Variants in KLF17 observed in about 807,000 individuals in gnomAD.
The protein encoded by KLF17 is Krueppel-like factor 17.
KLF17 carries 31 observed loss-of-function variants against 34.2 expected under a neutral mutation model. That is an observed-to-expected ratio of 0.91 (90% CI 0.68 to 1.22). The LOEUF is 1.22. Ranked by LOEUF, KLF17 falls within the 50% of genes most tolerant of loss-of-function variation. The pLI, the probability that KLF17 is intolerant of heterozygous loss-of-function variation, is 0.00. For synonymous variants in KLF17, 179 were observed against 186.7 expected, an observed-to-expected ratio of 0.96 and a Z score of 0.34; for missense variants, 478 against 505.2, an observed-to-expected ratio of 0.95 and a Z score of 0.52.
chr1:44,121,341 CTGCCCTCAAA>C, intron 1 of KLF17, among the ~76,000 whole-genome samples: 1 of 152,312 alleles, frequency 6.6e-6, no homozygotes, highest in East Asian at 1.9e-4. Context: ...TCTCAATCTT[CTGCCCTCAAA>C]TGATCTACCC....
chr1:44,118,993 G>T lies in KLF17; in HGVS notation c.81+5G>T, dbSNP rs752384415. ...GCGGCGCACCAGGCTGCCCAGGTGA[G>T]TCAGGTGCCAGCCCCTGGCAGGCCG... On this transcript the variant is annotated splice_donor_5th_base_variant and intron_variant, in intron 1 of 3. Transcript: ENST00000372299. 3 of 1,602,154 alleles carry T rather than the reference G, an allele frequency of 1.9e-6. No individual in the cohort carries two copies. The highest frequency in any genetic ancestry group is 1.7e-5 in the Admixed American group (1 of 58,774).
the KLF17 span, among the ~76,000 whole-genome samples, chr1:44,099,905 GAAAGAAAGAAAGAAAAGA>G: frequency 1.9e-5 from 1 of 52,200 alleles, no homozygotes; most frequent in Non-Finnish European, 4.1e-5. Context: ...AAGAAAGAAA[GAAAGAAAGAAAGAAAAGA>G]AAGGGAGGGA....
the KLF17 span, among the ~76,000 whole-genome samples, chr1:44,069,129 C>G: frequency 6.6e-6 from 1 of 152,124 alleles, no homozygotes; most frequent in African/African-American, 2.4e-5. This position sits in a 1 kb window ranked among gnomAD's most constrained non-coding sequence, Gnocchi z 4.7. Flanking sequence ...GGAGACATTT[C>G]AGGACAGGGT....
intron 1 of KLF17, among the ~76,000 whole-genome samples, chr1:44,127,705 T>TTTCTTTCTTTCTTTC (rs1557732071): frequency 6.9e-5 from 9 of 129,648 alleles, no homozygotes; most frequent in African/African-American, 3.1e-4. Flanking sequence ...TCTTTCTTTC[T>TTTCTTTCTTTCTTTC]TTCTTTCTTC....
At chr1:44,069,469 CGAGAGA>C in the KLF17 span, among the ~76,000 whole-genome samples, 50,081 of 127,014 alleles carry the variant, frequency 0.39, 9,752 homozygotes, top group East Asian at 0.55. This position sits in a 1 kb window ranked among gnomAD's most constrained non-coding sequence, Gnocchi z 4.7. Flanking sequence ...TGTTACATGG[CGAGAGA>C]GAGAGAGAGA....
the KLF17 span, among the ~76,000 whole-genome samples, chr1:44,058,907 T>G: frequency 6.6e-6 from 1 of 151,778 alleles, no homozygotes; most frequent in Non-Finnish European, 1.5e-5. Context: ...AAAATATCGC[T>G]CCCTTCAACA....
the KLF17 span, chr1:44,103,779 G>T: frequency 1.2e-5 from 12 of 996,102 alleles, no homozygotes; most frequent in Non-Finnish European, 1.9e-5. Context: ...TGTGATGGCG[G>T]CCTCCAGGGA....
chr1:44,097,418 T>C, the KLF17 span, among the ~76,000 whole-genome samples: 2 of 152,184 alleles, frequency 1.3e-5, no homozygotes, highest in African/African-American at 2.4e-5. Flanking sequence ...AATGGTAGCT[T>C]GATGGGGATA....
the KLF17 span, among the ~76,000 whole-genome samples, chr1:44,082,381 C>G: frequency 5.3e-5 from 8 of 152,220 alleles, no homozygotes; most frequent in Admixed American, 3.9e-4. Context: ...ACATTAAAAC[C>G]CTTTAATGGT....
Position 44,119,007 on chromosome 1 carries a change from C to A in KLF17, c.81+19C>A. 6.3e-7 allele frequency: 1 copy of A among 1,590,148 alleles called. No homozygotes were observed. Among genetic ancestry groups the A allele is most frequent in the Non-Finnish European group, 8.6e-7 (1 of 1,167,932 alleles). Reference sequence around the variant, plus strand: ...TGCCCAGGTGAGTCAGGTGCCAGCCCCTGGCAGGCCGGGCGGGCCCAGGCT... The same window carrying A: ...TGCCCAGGTGAGTCAGGTGCCAGCCACTGGCAGGCCGGGCGGGCCCAGGCT... On this transcript the variant is annotated intron_variant, in intron 1 of 3. Transcript: ENST00000372299.
At chr1:44,102,702 T>C in the KLF17 span, among the ~76,000 whole-genome samples, 225 of 151,654 alleles carry the variant, frequency 1.5e-3, no homozygotes, top group Non-Finnish European at 2.5e-3. Context: ...TGGGTGATAA[T>C]GATCTGTCAG....
chr1:44,099,889 G>A, the KLF17 span, among the ~76,000 whole-genome samples: 2 of 57,376 alleles, frequency 3.5e-5, no homozygotes, highest in African/African-American at 1.1e-4. Flanking sequence ...AAGAAAGAAA[G>A]AAAGAAAGAA....
the KLF17 span, among the ~76,000 whole-genome samples, chr1:44,077,798 G>C: frequency 3.3e-5 from 5 of 152,194 alleles, no homozygotes; most frequent in Admixed American, 3.3e-4. Context: ...AGGCAGCAGT[G>C]TATGGCCTTG....
At chr1:44,084,483 G>A in the KLF17 span, among the ~76,000 whole-genome samples, 1 of 151,666 alleles carries the variant, frequency 6.6e-6, no homozygotes, top group Non-Finnish European at 1.5e-5. Context: ...TTTGAGGCCA[G>A]CCTGGCCTCA....
chr1:44,050,461 A>G, the KLF17 span, among the ~76,000 whole-genome samples: 1 of 152,162 alleles, frequency 6.6e-6, no homozygotes, highest in East Asian at 1.9e-4. Context: ...TTGTTCTAGA[A>G]ATTTTTGCAT....
the KLF17 span, among the ~76,000 whole-genome samples, chr1:44,047,182 AT>A: frequency 6.6e-6 from 1 of 152,220 alleles, no homozygotes; most frequent in Non-Finnish European, 1.5e-5. Flanking sequence ...AGAAGAAGTA[AT>A]GTTGTATTAG....
intron 1 of KLF17, among the ~76,000 whole-genome samples, chr1:44,126,038 T>TG (rs61075553): frequency 1.3e-5 from 2 of 151,796 alleles, no homozygotes; most frequent in African/African-American, 4.9e-5. Context: ...TGTTTTGTTT[T>TG]TTTGAGACAG....
rs995579513 is a variant in KLF17, at chr1:44,119,037, G to A, written c.81+49G>A. ...CAGGCCGGGCGGGCCCAGGCTAGGG[G>A]GCGGCGGGGAGGGGAGGCCTTGGAG... On this transcript the variant is annotated intron_variant, in intron 1 of 3. Transcript: ENST00000372299. The A allele has an allele frequency of 7.4e-6, 11 of 1,486,146 alleles. No homozygotes were observed. In the African/African-American group the frequency reaches 1.4e-4, roughly 19 times the overall value. 92.1% of individuals were successfully genotyped at this position (1,486,146 alleles called of 1,614,324 possible). A position where few individuals can be genotyped will look rare whatever the true frequency, so the allele number is the denominator to read the frequency against.
At chr1:44,092,873 C>CA in the KLF17 span, among the ~76,000 whole-genome samples, 2 of 151,228 alleles carry the variant, frequency 1.3e-5, no homozygotes, top group Admixed American at 6.6e-5. Flanking sequence ...AAAAAAACCC[C>CA]AAAAAAACAA....
Sources: allele counts gnomAD v4.1 joint callset (sites outside exome capture counted in the v4.1 genomes callset), GRCh38; gene constraint gnomAD v4.1.1; non-coding constraint Gnocchi (gnomAD v3.1); transcripts MANE v1.5; gene names NCBI Gene and HGNC (gene_info 2026-07-23, HGNC 2026-07-21).